SLC35F3: variants seen among roughly 807,000 people sequenced by gnomAD.
The protein encoded by SLC35F3 is solute carrier family 35 member F3.
A neutral mutation model predicts 49.9 loss-of-function variants in SLC35F3; 25 were observed. The ratio of observed to expected loss-of-function variants is 0.50; its 90% CI spans 0.37 to 0.70. SLC35F3 has a LOEUF of 0.70. Among genes scored for constraint, SLC35F3 ranks in the 30% least tolerant of loss-of-function variants. SLC35F3 has a pLI of 0.00. For synonymous variants in SLC35F3, 275 were observed against 265.4 expected, an observed-to-expected ratio of 1.04 and a Z score of -0.35; for missense variants, 525 against 639.8, an observed-to-expected ratio of 0.82 and a Z score of 1.94.
intron 2 of SLC35F3, among the ~76,000 whole-genome samples, chr1:234,170,517 A>G (rs1219506281): frequency 2.0e-5 from 3 of 151,944 alleles, no homozygotes; most frequent in Non-Finnish European, 4.4e-5. Flanking sequence ...CCCAGGGTGT[A>G]GAGTACCCGT....
chr1:234,291,543 G>T (rs563354322), intron 3 of SLC35F3, among the ~76,000 whole-genome samples: 1 of 152,266 alleles, frequency 6.6e-6, no homozygotes, highest in Non-Finnish European at 1.5e-5. Flanking sequence ...ATGGCTCACT[G>T]CAGTCTCTTC....
intron 2 of SLC35F3, chr1:234,212,593 T>A (rs182266329): frequency 6.6e-6 from 1 of 152,314 alleles, no homozygotes; most frequent in African/African-American, 2.4e-5. Context: ...TGAAACGAGA[T>A]AACAACAATC....
intron 3 of SLC35F3, among the ~76,000 whole-genome samples, chr1:234,273,520 T>C (rs545268632): frequency 1.3e-4 from 20 of 152,372 alleles, no homozygotes; most frequent in African/African-American, 4.1e-4. Context: ...AAGCACATCC[T>C]GCTATCACAA....
intron 2 of SLC35F3, among the ~76,000 whole-genome samples, chr1:233,985,701 A>T (rs895049541): frequency 2.6e-5 from 4 of 152,186 alleles, no homozygotes; most frequent in Non-Finnish European, 5.9e-5. Flanking sequence ...GGGGTGCTTT[A>T]TTGGAACGTT....
intron 3 of SLC35F3, among the ~76,000 whole-genome samples, chr1:234,299,120 A>G (rs1668650658): frequency 6.6e-6 from 1 of 152,236 alleles, no homozygotes; most frequent in South Asian, 2.1e-4. Context: ...ATCACAGAAG[A>G]GAAGAACTCA....
At chr1:234,268,071 G>A (rs942590913) in intron 3 of SLC35F3, among the ~76,000 whole-genome samples, 39 of 152,120 alleles carry the variant, frequency 2.6e-4, no homozygotes, top group African/African-American at 8.2e-4. Flanking sequence ...GGCAGAGGCT[G>A]CAATCTCGGC....
At chr1:234,268,126 C>G (rs1379527943) in intron 3 of SLC35F3, among the ~76,000 whole-genome samples, 2 of 151,950 alleles carry the variant, frequency 1.3e-5, no homozygotes, top group African/African-American at 2.4e-5. Context: ...GAGGTTGTAG[C>G]GAGCCGAGAT....
intron 3 of SLC35F3, among the ~76,000 whole-genome samples, chr1:234,300,103 T>C (rs1385722785): frequency 1.3e-5 from 2 of 152,194 alleles, no homozygotes; most frequent in South Asian, 2.1e-4. Context: ...TCTGAGATTT[T>C]AAAAGCTAAA....
chr1:234,117,462 C>T (rs1665504128), intron 2 of SLC35F3, among the ~76,000 whole-genome samples: 1 of 151,988 alleles, frequency 6.6e-6, no homozygotes, highest in African/African-American at 2.4e-5. Context: ...TATGGTGGCA[C>T]ACCCTTGTAA....
At chr1:234,217,653 A>G (rs1667142902) in intron 2 of SLC35F3, among the ~76,000 whole-genome samples, 1 of 151,944 alleles carries the variant, frequency 6.6e-6, no homozygotes, top group South Asian at 2.1e-4. Context: ...GGCCTTTCTG[A>G]GGAGAAGATA....
At chr1:234,030,228 G>A (rs1224872611) in intron 2 of SLC35F3, among the ~76,000 whole-genome samples, 3 of 151,978 alleles carry the variant, frequency 2.0e-5, no homozygotes, top group African/African-American at 4.8e-5. Flanking sequence ...TCCTACCTAC[G>A]GCCACCACTT....
intron 3 of SLC35F3, among the ~76,000 whole-genome samples, chr1:234,266,061 G>A (rs771550543): frequency 6.6e-6 from 1 of 152,080 alleles, no homozygotes; most frequent in Non-Finnish European, 1.5e-5. Context: ...TTCTCTACAA[G>A]GCATAGGAGC....
At chr1:234,228,397 G>A (rs1042155348) in intron 2 of SLC35F3, among the ~76,000 whole-genome samples, 12 of 152,138 alleles carry the variant, frequency 7.9e-5, no homozygotes, top group African/African-American at 7.2e-5. Flanking sequence ...TATTTTACAC[G>A]TAATTGTTCT....
intron 3 of SLC35F3, among the ~76,000 whole-genome samples, chr1:234,307,317 C>T (rs1364718138): frequency 1.3e-5 from 2 of 152,178 alleles, no homozygotes; most frequent in African/African-American, 4.8e-5. Context: ...TCAGAAGCAA[C>T]ATAGGACTCT....
intron 2 of SLC35F3, among the ~76,000 whole-genome samples, chr1:234,139,969 T>TAAAATAAAATA (rs1275831439): frequency 4.2e-4 from 56 of 134,208 alleles, no homozygotes; most frequent in South Asian, 1.4e-3. Context: ...TAAAATAAAA[T>TAAAATAAAATA]AAAATAAAAT....
chr1:234,249,631 G>C (rs923119889), intron 3 of SLC35F3, among the ~76,000 whole-genome samples: 4 of 152,134 alleles, frequency 2.6e-5, no homozygotes, highest in Admixed American at 1.3e-4. Context: ...AGGGCCCTGC[G>C]TTTTTATTTT....
At chr1:233,971,635 T>G (rs1011869737) in intron 2 of SLC35F3, among the ~76,000 whole-genome samples, 2 of 151,424 alleles carry the variant, frequency 1.3e-5, no homozygotes, top group Non-Finnish European at 2.9e-5. Context: ...AGAGAATTGC[T>G]TGAACCCGGG....
chr1:234,155,850 AATTACT>A (rs1355894379), intron 2 of SLC35F3, among the ~76,000 whole-genome samples: 2 of 151,748 alleles, frequency 1.3e-5, no homozygotes, highest in Non-Finnish European at 2.9e-5. Context: ...AATAATATTC[AATTACT>A]ATAAGAAAAT....
At chr1:234,025,867 A>G (rs1433304724) in intron 2 of SLC35F3, among the ~76,000 whole-genome samples, 3 of 135,916 alleles carry the variant, frequency 2.2e-5, no homozygotes, top group Non-Finnish European at 3.5e-5. Context: ...GAACTTAACC[A>G]TAAATTATTT....
Sources: gnomAD v4.1 joint callset for allele counts (sites outside exome capture counted in the v4.1 genomes callset) on GRCh38, gnomAD v4.1.1 for gene constraint, MANE v1.5 for transcripts, NCBI Gene and HGNC (gene_info 2026-07-23, HGNC 2026-07-21) for gene names.